ERBB4: variants seen among roughly 807,000 people sequenced by gnomAD.
ERBB4 encodes receptor tyrosine-protein kinase erbB-4.
ERBB4 carries 42 observed loss-of-function variants against 158.0 expected under a neutral mutation model. The observed-to-expected ratio is 0.27, with a 90% CI of 0.21 to 0.34. The LOEUF is 0.34. Among genes scored for constraint, ERBB4 ranks in the 10% least tolerant of loss-of-function variants. The pLI is 1.00. For missense variants in ERBB4, 1,333 were observed against 1,624.1 expected (o/e 0.82, Z 3.08); for synonymous variants, 583 against 558.7 (o/e 1.04, Z -0.61).
chr2:211,877,111 C>T (rs1336273681), intron 3 of ERBB4, among the ~76,000 whole-genome samples: 3 of 152,118 alleles, frequency 2.0e-5, no homozygotes, highest in East Asian at 3.9e-4. Flanking sequence ...GACAATAAGA[C>T]GTAAGTGGAG....
chr2:211,887,788 G>A (rs927813229), intron 3 of ERBB4, among the ~76,000 whole-genome samples: 1 of 151,892 alleles, frequency 6.6e-6, no homozygotes, highest in Admixed American at 6.6e-5. Context: ...GTTTATTGTC[G>A]GTCTGCCTCT....
At chr2:212,117,521 G>T (rs1476835685) in intron 2 of ERBB4, among the ~76,000 whole-genome samples, 3 of 152,088 alleles carry the variant, frequency 2.0e-5, no homozygotes, top group Non-Finnish European at 4.4e-5. Context: ...GCTTGATACA[G>T]AATTCTCATT....
chr2:211,639,152 T>C (rs2070474967), intron 16 of ERBB4, among the ~76,000 whole-genome samples: 1 of 152,196 alleles, frequency 6.6e-6, no homozygotes, highest in Non-Finnish European at 1.5e-5. Flanking sequence ...TATATCTATA[T>C]ACCATACTAA....
intron 1 of ERBB4, among the ~76,000 whole-genome samples, chr2:212,288,648 C>A (rs73066388): frequency 0.019 from 2,851 of 152,148 alleles, 82 homozygotes; most frequent in African/African-American, 0.064. Flanking sequence ...ATCCAATAAA[C>A]CCTGTCCTGG....
At chr2:211,725,787 G>A (rs775549681) in intron 5 of ERBB4, among the ~76,000 whole-genome samples, 23 of 150,994 alleles carry the variant, frequency 1.5e-4, no homozygotes, top group Non-Finnish European at 2.7e-4. Flanking sequence ...ACACATAAAT[G>A]TTAAGTTAAT....
At chr2:211,752,335 G>C (rs1445955855) in intron 4 of ERBB4, among the ~76,000 whole-genome samples, 1 of 151,786 alleles carries the variant, frequency 6.6e-6, no homozygotes, top group Non-Finnish European at 1.5e-5. Flanking sequence ...TCTTAGATTT[G>C]GTATAATCCT....
intron 25 of ERBB4, among the ~76,000 whole-genome samples, chr2:211,411,361 C>T (rs915431356): frequency 1.3e-5 from 2 of 152,192 alleles, no homozygotes; most frequent in Admixed American, 6.5e-5. Flanking sequence ...TGAAAGGTTT[C>T]TCAAATTAGT....
At position 212,538,687 on chromosome 2, in the gene ERBB4, C is replaced by G. The variant is rs1387208118; in HGVS notation, c.-157G>C. The G allele has an allele frequency of 3.8e-6, 2 of 521,092 alleles. No individual in the cohort carries two copies. The highest frequency in any genetic ancestry group is 2.0e-5 in the African/African-American group (1 of 49,032). The allele number at this position is 521,092 out of a possible 1,614,324, so 32.3% of individuals were successfully genotyped here. On this transcript the variant is annotated 5_prime_UTR_variant, in exon 1 of 28. Coordinates refer to ENST00000342788, the MANE Select transcript of ERBB4 (RefSeq NM_005235.3). ...TGTGGCGACTCCCAGGGCGGGCGACCGAGTCCGCGCCCGCGGGTCCAGGGC... is the reference window on the plus strand; with the variant it reads ...TGTGGCGACTCCCAGGGCGGGCGACGGAGTCCGCGCCCGCGGGTCCAGGGC...
intron 3 of ERBB4, among the ~76,000 whole-genome samples, chr2:211,913,529 A>G (rs1001437133): frequency 1.4e-4 from 21 of 151,826 alleles, no homozygotes; most frequent in Non-Finnish European, 2.4e-4. Flanking sequence ...CGAACTCGGG[A>G]GGTGGAGGTT....
intron 1 of ERBB4, chr2:212,426,240 C>A (rs761275313): frequency 2.0e-6 from 1 of 492,746 alleles, no homozygotes; most frequent in Non-Finnish European, 4.1e-6. Flanking sequence ...TTACTTTTTA[C>A]GTGCATTTAT....
intron 2 of ERBB4, among the ~76,000 whole-genome samples, chr2:211,978,391 TG>T (rs71409866): frequency 1.4e-5 from 2 of 140,968 alleles, no homozygotes; most frequent in Non-Finnish European, 3.1e-5. Flanking sequence ...TCTGTCTGTC[TG>T]TCTGTCTATC....
chr2:211,947,568 G>T lies in ERBB4; in HGVS notation c.283C>A (p.Arg95Ser). Residue 95 changes from arginine (R) to serine (S), a missense_variant, in exon 3 of 28, where the codon CGT becomes AGT. Transcript: ENST00000342788. ...CGTAAATTCTCCAGAGGCAGGTAAC[G>T]AAACTGATTAAGAGCCACTAACACG... ...GYVLVALNQFRYLPLENLRII... is the reference protein window; with the variant it reads ...GYVLVALNQFSYLPLENLRII... 1 of 1,613,720 alleles carries T rather than the reference G, an allele frequency of 6.2e-7. No individual in the cohort carries two copies. The highest frequency in any genetic ancestry group is 1.7e-4 in the Middle Eastern group (1 of 6,060).
chr2:211,932,598 T>C (rs1037496538), intron 3 of ERBB4, among the ~76,000 whole-genome samples: 5 of 151,980 alleles, frequency 3.3e-5, no homozygotes, highest in African/African-American at 1.2e-4. Flanking sequence ...ATTCTATGTT[T>C]ATCTATACAT....
chr2:212,214,817 T>C (rs908323497), intron 1 of ERBB4, among the ~76,000 whole-genome samples: 4 of 151,740 alleles, frequency 2.6e-5, no homozygotes, highest in Non-Finnish European at 3.0e-5. Context: ...TGTTCATTGC[T>C]CTACTGTTTG....
At chr2:211,995,936 A>T (rs1320661721) in intron 2 of ERBB4, among the ~76,000 whole-genome samples, 1 of 152,238 alleles carries the variant, frequency 6.6e-6, no homozygotes, top group Admixed American at 6.5e-5. Context: ...AAGCTAAAAA[A>T]GTGTTCAACA....
intron 1 of ERBB4, among the ~76,000 whole-genome samples, chr2:212,261,994 A>G (rs1177005707): frequency 6.6e-6 from 1 of 152,158 alleles, no homozygotes; most frequent in African/African-American, 2.4e-5. Context: ...ATTTCTTTCT[A>G]TAAATCCAAC....
At chr2:212,172,169 A>G (rs1268410560) in intron 1 of ERBB4, among the ~76,000 whole-genome samples, 1 of 152,186 alleles carries the variant, frequency 6.6e-6, no homozygotes, top group East Asian at 1.9e-4. Context: ...AAAAAGCTCA[A>G]TATCACTGAT....
rs1374792859 is a variant in ERBB4 at position 212,245,199 on chromosome 2, T to TG, written c.83-120297dup. Among the ~76,000 whole-genome samples, 11 of 152,156 alleles carry TG rather than the reference T, an allele frequency of 7.2e-5. No homozygotes were observed. In the East Asian group the frequency reaches 2.1e-3, roughly 29 times the overall value. Reference sequence around the variant, plus strand: ...ATTTGAAAACATCTGTAAAAAGAGTTGAAAAAAAAAGTATTTTATAAATCC... The same window carrying TG: ...ATTTGAAAACATCTGTAAAAAGAGTTGGAAAAAAAAAGTATTTTATAAATCC... On this transcript the variant is annotated intron_variant, in intron 1 of 27. Coordinates refer to ENST00000342788, the MANE Select transcript of ERBB4 (RefSeq NM_005235.3).
intron 20 of ERBB4, among the ~76,000 whole-genome samples, chr2:211,496,863 C>G (rs1273196499): frequency 6.6e-6 from 1 of 152,102 alleles, no homozygotes; most frequent in East Asian, 1.9e-4. Flanking sequence ...TGCCTTTTGT[C>G]AAGTATTCTC....
Sources: gnomAD v4.1 joint callset for allele counts (sites outside exome capture counted in the v4.1 genomes callset) on GRCh38, gnomAD v4.1.1 for gene constraint, MANE v1.5 for transcripts, NCBI Gene and HGNC (gene_info 2026-07-23, HGNC 2026-07-21) for gene names.